The following RAPGEF4 variants were observed in gnomAD, a reference collection of about 807,000 sequenced individuals.
RAPGEF4 encodes the protein RAP guanine-nucleotide-exchange factor (GEF) 4.
In RAPGEF4, 66 loss-of-function variants were observed where a neutral mutation model predicts 147.9. The observed-to-expected ratio is 0.45, with a 90% confidence interval of 0.37 to 0.55. RAPGEF4 has a LOEUF of 0.55. RAPGEF4 is among the 20% of genes least tolerant of loss of function. RAPGEF4 has a pLI of 0.00. For missense variants in RAPGEF4, 1,071 were observed against 1,257.3 expected, an observed-to-expected ratio of 0.85 and a Z score of 2.24; for synonymous variants, 419 against 442.7, an observed-to-expected ratio of 0.95 and a Z score of 0.67.
At chr2:172,916,280 A>G (rs1014944382) in intron 4 of RAPGEF4, among the ~76,000 whole-genome samples, 4 of 152,236 alleles carry the variant, frequency 2.6e-5, no homozygotes, top group Admixed American at 6.5e-5. Context: ...ATTTCTAAGC[A>G]AAGTGAAATG....
intron 26 of RAPGEF4, among the ~76,000 whole-genome samples, chr2:173,031,490 A>G (rs1457134421): frequency 1.3e-5 from 2 of 152,208 alleles, no homozygotes; most frequent in South Asian, 2.1e-4. Context: ...ACCAGCTTCT[A>G]ATCCCCCTGC....
At chr2:173,002,006 A>AAAAAAAAAAAAAAAAAAAAAAAAAAC in intron 17 of RAPGEF4, among the ~76,000 whole-genome samples, 1 of 150,602 alleles carries the variant, frequency 6.6e-6, no homozygotes, top group Non-Finnish European at 1.5e-5. Flanking sequence ...AAAAAAAAAA[A>AAAAAAAAAAAAAAAAAAAAAAAAAAC]AAAAAAAAAT....
chr2:172,991,187 C>T (rs1692797832), intron 15 of RAPGEF4, among the ~76,000 whole-genome samples: 2 of 152,138 alleles, frequency 1.3e-5, no homozygotes, highest in African/African-American at 4.8e-5. Context: ...CAGTGTTCAA[C>T]TGTAATAGCT....
At chr2:172,983,715 C>T (rs905418795) in intron 11 of RAPGEF4, 135 bp downstream of exon 11, 30 of 1,413,672 alleles carry the variant, frequency 2.1e-5, no homozygotes, top group South Asian at 4.9e-5. Flanking sequence ...TACTCTCTTA[C>T]GAGATGCTGA....
chr2:172,759,939 T>C (rs1442444866), intron 1 of RAPGEF4, among the ~76,000 whole-genome samples: 2 of 152,210 alleles, frequency 1.3e-5, no homozygotes, highest in African/African-American at 4.8e-5. Context: ...TTGGGCCCTC[T>C]CTATCTGAAG....
intron 3 of RAPGEF4, among the ~76,000 whole-genome samples, chr2:172,800,825 A>T (rs776851706): frequency 2.0e-5 from 3 of 152,224 alleles, no homozygotes; most frequent in Non-Finnish European, 4.4e-5. Flanking sequence ...TCTAAAAAAT[A>T]TCCTTACAGC....
chr2:172,830,395 A>T (rs1279682106), intron 4 of RAPGEF4, among the ~76,000 whole-genome samples: 2 of 152,228 alleles, frequency 1.3e-5, no homozygotes, highest in Non-Finnish European at 2.9e-5. Flanking sequence ...AGCTGACATC[A>T]TTTGGACATT....
intron 4 of RAPGEF4, among the ~76,000 whole-genome samples, chr2:172,907,410 A>G (rs1429805253): frequency 6.6e-6 from 1 of 152,070 alleles, no homozygotes; most frequent in African/African-American, 2.4e-5. Context: ...TGACAGGTTA[A>G]TTTTTTTAAA....
At chr2:172,737,083 C>G (rs1693853316) in intron 1 of RAPGEF4, among the ~76,000 whole-genome samples, 1 of 152,140 alleles carries the variant, frequency 6.6e-6, no homozygotes, top group Non-Finnish European at 1.5e-5. Context: ...TATTATAGGC[C>G]TTTGTTGAAA....
rs958975611 is a variant in RAPGEF4, at chr2:172,846,824, G to A, written c.444+32399G>A. Among the ~76,000 whole-genome samples, 3 of 152,160 alleles carry A rather than the reference G, an allele frequency of 2.0e-5. No homozygotes were observed. In the East Asian group the frequency reaches 5.8e-4, roughly 29 times the overall value. ...GGGACTGATGTTTGGTCACAGGCAG[G>A]TTTTTCAGTCTGCTCCCCTGACTAT... is the stretch of plus-strand genomic sequence containing the variant. On this transcript the variant is annotated intron_variant, in intron 4 of 30. Coordinates refer to ENST00000397081, the MANE Select transcript of RAPGEF4 (RefSeq NM_007023.4).
chr2:172,925,627 G>T (rs1685214158), intron 6 of RAPGEF4, among the ~76,000 whole-genome samples: 1 of 151,646 alleles, frequency 6.6e-6, no homozygotes, highest in Admixed American at 6.6e-5. Context: ...CGCTGAATGT[G>T]GTGGTGCACA....
chr2:173,017,293 TTTC>T (rs1695593566), intron 20 of RAPGEF4, 89 bp downstream of exon 20: 2 of 1,517,378 alleles, frequency 1.3e-6, no homozygotes, highest in African/African-American at 1.4e-5. Context: ...ATAAAAGTGA[TTTC>T]TTTTTTGTAG....
rs1686343134 is a variant in RAPGEF4 at position 173,052,507 on chromosome 2, A to G, written c.*740A>G. 1.3e-5 allele frequency: 2 copies of G among 152,676 alleles called. No homozygotes were observed. The highest frequency in any genetic ancestry group is 2.9e-5 in the Non-Finnish European group (2 of 68,036). The allele number at this position is 152,676 out of a possible 1,614,324, so 9.5% of individuals were successfully genotyped here. ...AGAAAATAACATTTCAGAAGAGCACAATATGCATAAAACATTTTTCAAAAT... is the reference window on the plus strand; with the variant it reads ...AGAAAATAACATTTCAGAAGAGCACGATATGCATAAAACATTTTTCAAAAT... On this transcript the variant is annotated 3_prime_UTR_variant, in exon 31 of 31. Transcript: ENST00000397081.
At chr2:173,032,152 C>T (rs1370003973) in intron 26 of RAPGEF4, among the ~76,000 whole-genome samples, 2 of 152,184 alleles carry the variant, frequency 1.3e-5, no homozygotes, top group African/African-American at 4.8e-5. Context: ...ACTCTCTCAG[C>T]CTCAGCACTG....
At chr2:173,044,230 C>T (rs1041314815) in intron 29 of RAPGEF4, among the ~76,000 whole-genome samples, 18 of 133,212 alleles carry the variant, frequency 1.4e-4, no homozygotes, top group African/African-American at 5.0e-4. Flanking sequence ...GGTAGCTTCC[C>T]GGTCATTGCC....
chr2:172,797,789 A>T (rs1222958431), intron 3 of RAPGEF4, among the ~76,000 whole-genome samples, 176 bp downstream of exon 3: 2 of 152,206 alleles, frequency 1.3e-5, no homozygotes, highest in East Asian at 3.8e-4. Flanking sequence ...CACCTATTGA[A>T]TGTCTTCCCT....
intron 4 of RAPGEF4, among the ~76,000 whole-genome samples, chr2:172,836,861 T>C (rs1479200961): frequency 1.3e-5 from 2 of 152,248 alleles, no homozygotes; most frequent in East Asian, 3.8e-4. Flanking sequence ...TGAATTCTGA[T>C]GATTATTTCT....
intron 1 of RAPGEF4, among the ~76,000 whole-genome samples, chr2:172,794,347 C>CAAAAA (rs59850502): frequency 9.8e-6 from 1 of 101,940 alleles, no homozygotes. Context: ...AACTCCATCT[C>CAAAAA]AAAAAAAAAA....
intron 4 of RAPGEF4, among the ~76,000 whole-genome samples, chr2:172,907,322 C>A (rs895740144): frequency 6.6e-6 from 1 of 152,232 alleles, no homozygotes; most frequent in African/African-American, 2.4e-5. Flanking sequence ...CCTTCCCATC[C>A]CTTCTTTCTG....
Sources: gnomAD v4.1 joint callset for allele counts (sites outside exome capture counted in the v4.1 genomes callset) on GRCh38, gnomAD v4.1.1 for gene constraint, MANE v1.5 for transcripts, NCBI Gene and HGNC (gene_info 2026-07-23, HGNC 2026-07-21) for gene names.